Variants in KHSRP observed in about 807,000 individuals in gnomAD.
The protein encoded by KHSRP is far upstream element-binding protein 2.
A neutral mutation model predicts 94.9 loss-of-function variants in KHSRP; 13 were observed. That is an observed-to-expected ratio of 0.14 (90% CI 0.09 to 0.22). KHSRP has a LOEUF of 0.22. Among genes scored for constraint, KHSRP ranks in the 10% least tolerant of loss-of-function variants. KHSRP has a pLI of 1.00. For synonymous variants in KHSRP, 495 were observed against 401.4 expected (o/e 1.23, Z -2.79); for missense variants, 710 against 1,010.0 (o/e 0.70, Z 4.03).
At chr19:6,422,469 C>A in intron 1 of KHSRP, 33 bp from the exon 2 acceptor site, 7 of 1,517,792 alleles carry the variant, frequency 4.6e-6, no homozygotes, top group Non-Finnish European at 6.4e-6. Context: ...GAAGAATTAC[C>A]ACCAAAAACA....
rs552595702 is a variant in KHSRP, at chr19:6,416,874, G to A, written c.1191C>T (p.Pro397=). Residue 397 remains proline (P), a synonymous_variant, in exon 13 of 19, where the codon CCC becomes CCT. Transcript: ENST00000600480. The part of the protein sequence containing the change: ...NDLLQSLRSG[P]PGPPGGPGMP... ...TGCCTGGACCCCCTGGAGGACCTGG[G>A]GGACCACTCTGCAAGACAAGAGGAG... The A allele has an allele frequency of 8.7e-6, 14 of 1,610,404 alleles. No homozygotes were observed. The African/African-American group carries it at 1.6e-4, about 18-fold the overall frequency.
chr19:6,417,712 C>T, intron 11 of KHSRP, 27 bp downstream of exon 11: 3 of 1,597,820 alleles, frequency 1.9e-6, no homozygotes, highest in South Asian at 2.2e-5. Context: ...GTGCACTGGC[C>T]AGGGGCAGGG....
chr19:6,416,251 C>T (rs1471530223), intron 15 of KHSRP, 47 bp downstream of exon 15: 1 of 1,453,764 alleles, frequency 6.9e-7, no homozygotes. Flanking sequence ...TTCTTGCCAG[C>T]TCAGTAAGCC....
chr19:6,424,643 C>T lies in KHSRP; in HGVS notation c.59G>A (p.Gly20Asp), dbSNP rs1320513695. 9.9e-7 allele frequency: 1 copy of T among 1,006,026 alleles called. No individual in the cohort carries two copies. The highest frequency in any genetic ancestry group is 1.2e-6 in the Non-Finnish European group (1 of 844,420). The allele number at this position is 1,006,026 out of a possible 1,614,324, so 62.3% of individuals were successfully genotyped here. ...TCCCCCGGCGCCTCCGGCTCCCCCG[C>T]CCCCGCCGGCGGGCGGCGGCGGCCC... ...PPGPPPPAGG[G>D]GGAGGAGGGP... The change falls in exon 1 of 19, where the codon GGC becomes GAC. Residue 20 changes from glycine (G) to aspartate (D), a missense_variant. By Grantham distance (94) the Gly-to-Asp change is moderately conservative (BLOSUM62 -1). This residue lies in a region of KHSRP where 92 missense variants were observed against 80.8 expected (regional missense o/e 1.14). Transcript: ENST00000600480.
At position 6,424,617 on chromosome 19, in the gene KHSRP, C is replaced by A. The variant is rs1290591929; in HGVS notation, c.85G>T (p.Gly29Cys). 1.3e-4 allele frequency: 123 copies of A among 971,492 alleles called. No individual in the cohort carries two copies. Among genetic ancestry groups the A allele is most frequent in the Non-Finnish European group, 1.5e-4 (121 of 820,968 alleles). The allele number at this position is 971,492 out of a possible 1,614,324, so 60.2% of individuals were successfully genotyped here. A position where few individuals can be genotyped will look rare whatever the true frequency, so the allele number is the denominator to read the frequency against. Residue 29 changes from glycine (G) to cysteine (C), a missense_variant, in exon 1 of 19, where the codon GGC becomes TGC. Gly to Cys is a radical substitution (Grantham distance 159). Coordinates refer to ENST00000600480, the MANE Select transcript of KHSRP (RefSeq NM_001366299.1). ...GCGCCTGGCGGGCCCGGCGGAGGGC[C>A]TCCCCCGGCGCCTCCGGCTCCCCCG... Reference protein sequence around the residue: ...GGGGAGGAGGGPPPGPPGAGD... With the variant: ...GGGGAGGAGGCPPPGPPGAGD...
In KHSRP at chr19:6,413,892, T is replaced by C. The variant is rs1251076112; in HGVS notation, c.*1132A>G. 3 of 419,998 alleles carry C rather than the reference T, an allele frequency of 7.1e-6. No homozygotes were observed. The highest frequency in any genetic ancestry group is 4.1e-5 in the African/African-American group (2 of 48,444). The allele number at this position is 419,998 out of a possible 1,614,324, so 26.0% of individuals were successfully genotyped here. ...CTCTGGCTGGCTCAACATGGAAGGATCCCAATTTTGAAAGAAAAAGCATGT... is the reference window on the plus strand; with the variant it reads ...CTCTGGCTGGCTCAACATGGAAGGACCCCAATTTTGAAAGAAAAAGCATGT... On this transcript the variant is annotated 3_prime_UTR_variant, in exon 19 of 19. Transcript: ENST00000600480.
At position 6,414,916 on chromosome 19, in the gene KHSRP, C is replaced by G; in HGVS notation, c.*108G>C. The G allele has an allele frequency of 7.2e-7, 1 of 1,394,678 alleles. No homozygotes were observed. Among genetic ancestry groups the G allele is most frequent in the Non-Finnish European group, 9.3e-7 (1 of 1,079,532 alleles). The allele number at this position is 1,394,678 out of a possible 1,614,324, so 86.4% of individuals were successfully genotyped here. On this transcript the variant is annotated 3_prime_UTR_variant, in exon 19 of 19. Transcript: ENST00000600480. Reference sequence around the variant, plus strand: ...GACAGCGGCACACAGGAACAAGCAGCCGGCGCAGGGAGGCCTCTTCGTTTA... The same window carrying G: ...GACAGCGGCACACAGGAACAAGCAGGCGGCGCAGGGAGGCCTCTTCGTTTA...
chr19:6,414,509 A>G lies in KHSRP; in HGVS notation c.*515T>C. 9.5e-7 allele frequency: 1 copy of G among 1,051,860 alleles called. No homozygotes were observed. Among genetic ancestry groups the G allele is most frequent in the Non-Finnish European group, 1.1e-6 (1 of 873,084 alleles). 65.2% of individuals were successfully genotyped at this position (1,051,860 alleles called of 1,614,324 possible). On this transcript the variant is annotated 3_prime_UTR_variant, in exon 19 of 19. Transcript: ENST00000600480. ...CTGTGAGGTAGGTTGGAAGGTGGCA[A>G]CGATCTTCACGCCCACTTCACAGAC...
rs767811166 is a variant in KHSRP, at chr19:6,419,237, T to G, written c.571A>C (p.Ser191Arg). The G allele has an allele frequency of 1.3e-6, 2 of 1,582,496 alleles. No homozygotes were observed. Among genetic ancestry groups the G allele is most frequent in the Non-Finnish European group, 8.6e-7 (1 of 1,164,542 alleles). ...SPDSGGLPER[S>R]VSLTGAPESV... ...TCTGGGGCTCCTGTCAAGGACACAC[T>G]GCGCTCGGGTAGGCCACCGCTGTCT... The change falls in exon 7 of 19, where the codon AGT (serine) becomes CGT (arginine). Residue 191 changes from serine (S) to arginine (R), a missense_variant. Ser to Arg is a moderately radical substitution (Grantham distance 110, BLOSUM62 -1). Around this residue, in one of 5 missense-constraint regions of KHSRP, gnomAD observed 288 missense variants for 501.1 expected, o/e 0.57. Transcript: ENST00000600480.
rs200942635 is a variant in KHSRP, at chr19:6,414,155, C to T, written c.*869G>A. 2.0e-4 allele frequency: 112 copies of T among 551,124 alleles called. 1 individual carries two copies. The highest frequency in any genetic ancestry group is 2.6e-4 in the South Asian group (16 of 62,250). The allele number at this position is 551,124 out of a possible 1,614,324, so 34.1% of individuals were successfully genotyped here. A position where few individuals can be genotyped will look rare whatever the true frequency, so the allele number is the denominator to read the frequency against. On this transcript the variant is annotated 3_prime_UTR_variant, in exon 19 of 19. Transcript: ENST00000600480. The stretch of plus-strand genomic sequence containing the variant: ...GGGAAGAGATAGGAATTGGTCACTA[C>T]GGGGAGGGAAGGGTGGGAGACTAGG...
intron 2 of KHSRP, 53 bp downstream of exon 2, chr19:6,422,287 T>A: frequency 8.0e-7 from 1 of 1,250,086 alleles, no homozygotes. Context: ...CAAAAGCACC[T>A]CTTTAGGCCC....
At chr19:6,416,090 G>A (rs868471712) in intron 15 of KHSRP, among the ~76,000 whole-genome samples, 194 bp from the exon 16 acceptor site, 1 of 152,232 alleles carries the variant, frequency 6.6e-6, no homozygotes, top group Non-Finnish European at 1.5e-5. Context: ...CATGAAAGAA[G>A]CCGCGAAACT....
chr19:6,420,512 GGGA>G (rs1477178643), intron 4 of KHSRP, 41 bp from the exon 5 acceptor site: 4 of 1,589,010 alleles, frequency 2.5e-6, no homozygotes, highest in South Asian at 1.1e-5. Context: ...CAAGTGGGAA[GGGA>G]GGAGGACAGC....
chr19:6,424,684 C>G lies in KHSRP; in HGVS notation c.18G>C (p.Thr6=), dbSNP rs2092222185. Residue 6 remains threonine, a synonymous_variant, in exon 1 of 19, where the codon ACG becomes ACC. Coordinates refer to ENST00000600480, the MANE Select transcript of KHSRP (RefSeq NM_001366299.1). The stretch of plus-strand genomic sequence containing the variant: ...GCGGCGGCCCGGGCGGGGGTCCTCC[C>G]GTGCTGTAGTCCGACATGGCGCGGC... MSDYS[T]GGPPPGPPPP... is the part of the protein sequence containing the mutation. The G allele has an allele frequency of 9.7e-7, 1 of 1,030,586 alleles. No individual in the cohort carries two copies. Among genetic ancestry groups the G allele is most frequent in the East Asian group, 7.8e-5 (1 of 12,824 alleles). The allele number at this position is 1,030,586 out of a possible 1,614,324, so 63.8% of individuals were successfully genotyped here. A position where few individuals can be genotyped will look rare whatever the true frequency, so the allele number is the denominator to read the frequency against.
Position 6,416,565 on chromosome 19 carries a change from G to A in KHSRP, c.1413C>T (p.Asn471=), listed in dbSNP as rs750659449. Residue 471 remains asparagine (N), a synonymous_variant, in exon 14 of 19, where the codon AAC becomes AAT. Transcript: ENST00000600480. ...SRQLPPNGDP[N]FKLFIIRGSP... Reference sequence around the variant, plus strand: ...AACCCCGGATGATGAACAACTTGAAGTTGGGGTCCCCGTTGGGTGGCAGCT... The same window carrying A: ...AACCCCGGATGATGAACAACTTGAAATTGGGGTCCCCGTTGGGTGGCAGCT... 46 of 1,613,704 alleles carry A rather than the reference G, an allele frequency of 2.9e-5. No individual in the cohort carries two copies. The highest frequency in any genetic ancestry group is 3.8e-5 in the Non-Finnish European group (45 of 1,179,730).
rs1286241949 is a variant in KHSRP at position 6,415,153 on chromosome 19, C to T, written c.2115G>A (p.Gln705=). Reference sequence around the variant, plus strand: ...AATTCCCACTTGCCTGCTGCTGTCCCTGCTGCGTGGGCGGCGGCTGGGGGC... The same window carrying T: ...AATTCCCACTTGCCTGCTGCTGTCCTTGCTGCGTGGGCGGCGGCTGGGGGC... ...PGGPQPPPTQ[Q]GQQQASGNCH... is the part of the protein sequence containing the mutation. The change falls in exon 19 of 19, where the codon CAG becomes CAA. Residue 705 remains glutamine, a synonymous_variant. Coordinates refer to ENST00000600480, the MANE Select transcript of KHSRP (RefSeq NM_001366299.1). 1.2e-6 allele frequency: 2 copies of T among 1,605,484 alleles called. No homozygotes were observed. The highest frequency in any genetic ancestry group is 2.7e-5 in the African/African-American group (2 of 74,802).
chr19:6,418,956 G>A lies in KHSRP; in HGVS notation c.606-80C>T, dbSNP rs552746837. The A allele has an allele frequency of 2.1e-6, 3 of 1,398,014 alleles. No homozygotes were observed. Among genetic ancestry groups the A allele is most frequent in the South Asian group, 1.5e-5 (1 of 67,408 alleles). The allele number at this position is 1,398,014 out of a possible 1,614,324, so 86.6% of individuals were successfully genotyped here. On this transcript the variant is annotated intron_variant, in intron 7 of 18. Transcript: ENST00000600480. The surrounding 1 kb of genome is among the most constrained non-coding windows in gnomAD (Gnocchi z 4.3). ...GGTCTGGTGGCCCACCCAGCTCAAAGGGAAGGCGACCCCAGAGTGTGCAAG... is the reference window on the plus strand; with the variant it reads ...GGTCTGGTGGCCCACCCAGCTCAAAAGGAAGGCGACCCCAGAGTGTGCAAG...
At chr19:6,424,166 T>A (rs1355541198) in intron 1 of KHSRP, 2 of 151,282 alleles carry the variant, frequency 1.3e-5, no homozygotes, top group African/African-American at 4.9e-5. Context: ...GCCGGGGGGC[T>A]AAGGGGGGGG....
chr19:6,421,295 G>A lies in KHSRP; in HGVS notation c.408C>T (p.Pro136=). 1.3e-6 allele frequency: 2 copies of A among 1,590,812 alleles called. No individual in the cohort carries two copies. The highest frequency in any genetic ancestry group is 1.7e-6 in the Non-Finnish European group (2 of 1,168,900). ...TGGCTTACCTTGGGGGAGGATGGATGGGTCCAAGTTGAGAACTGATTGCTG... is the reference window on the plus strand; with the variant it reads ...TGGCTTACCTTGGGGGAGGATGGATAGGTCCAAGTTGAGAACTGATTGCTG... The part of the protein sequence containing the change: ...QGDSISSQLG[P]IHPPPRTSMT... Residue 136 remains proline, a synonymous_variant, in exon 4 of 19, where the codon CCC becomes CCT. Transcript: ENST00000600480.
Sources: gnomAD v4.1 joint callset for allele counts (sites outside exome capture counted in the v4.1 genomes callset) on GRCh38, gnomAD v4.1.1 for gene constraint, gnomAD v4.1.1 regional missense constraint, Gnocchi (gnomAD v3.1) non-coding constraint, MANE v1.5 for transcripts, NCBI Gene and HGNC (gene_info 2026-07-23, HGNC 2026-07-21) for gene names.